The following STK33 variants were observed in gnomAD, a reference collection of about 807,000 sequenced individuals.
The protein encoded by STK33 is serine/threonine kinase 33, also known as serine/threonine-protein kinase 33.
A neutral mutation model predicts 58.0 loss-of-function variants in STK33; 52 were observed. That is an observed-to-expected ratio of 0.90 (90% CI 0.72 to 1.13). The LOEUF (loss-of-function observed/expected upper bound fraction) is 1.13. STK33 is among the 50% of genes most tolerant of loss of function. STK33 has a pLI of 0.00. For synonymous variants in STK33, 215 were observed against 200.1 expected (o/e 1.07, Z -0.63); for missense variants, 630 against 604.2 (o/e 1.04, Z -0.45).
chr11:8,441,320 G>C (rs1423703310), intron 11 of STK33, among the ~76,000 whole-genome samples: 1 of 151,628 alleles, frequency 6.6e-6, no homozygotes, highest in Non-Finnish European at 1.5e-5. Context: ...ACAGGACATA[G>C]ACTATACTAA....
intron 14 of STK33, among the ~76,000 whole-genome samples, chr11:8,415,334 AGGCTCAT>A (rs1411237771): frequency 6.6e-6 from 1 of 152,052 alleles, no homozygotes; most frequent in Non-Finnish European, 1.5e-5. Context: ...TCTTCCTTCT[AGGCTCAT>A]GGTAGAGTTT....
At chr11:8,362,148 G>A in the STK33 span, among the ~76,000 whole-genome samples, 1 of 152,156 alleles carries the variant, frequency 6.6e-6, no homozygotes, top group East Asian at 1.9e-4. Context: ...GAGGGCCGGG[G>A]CCCAGCGACT....
chr11:8,434,029 C>T (rs1262434712), intron 14 of STK33: 1 of 153,390 alleles, frequency 6.5e-6, no homozygotes, highest in East Asian at 1.9e-4. Context: ...TCGAGACCAT[C>T]CTGGCCAATA....
At chr11:8,461,729 G>T in intron 8 of STK33, 76 bp downstream of exon 8, 1 of 1,193,570 alleles carries the variant, frequency 8.4e-7, no homozygotes. Flanking sequence ...GCCCCAAAGG[G>T]ATTATTTCAG....
chr11:8,550,258 T>C (rs78857859), intron 1 of STK33, among the ~76,000 whole-genome samples: 16,892 of 152,194 alleles, frequency 0.11, 1,056 homozygotes, highest in African/African-American at 0.14. Context: ...TTAATAGCAA[T>C]AGTTTCAGGG....
At chr11:8,534,839 A>G (rs1049367901) in intron 1 of STK33, among the ~76,000 whole-genome samples, 2 of 152,128 alleles carry the variant, frequency 1.3e-5, no homozygotes, top group African/African-American at 4.8e-5. Context: ...GTATCCCTAT[A>G]AAGTCCTATA....
At chr11:8,453,004 G>A (rs763840637) in intron 10 of STK33, 98 bp from the exon 11 acceptor site, 41 of 1,049,862 alleles carry the variant, frequency 3.9e-5, no homozygotes, top group Non-Finnish European at 6.0e-5. Flanking sequence ...TTGAATTCTG[G>A]GGTTCTTGGG....
intron 14 of STK33, among the ~76,000 whole-genome samples, chr11:8,431,200 G>C (rs2136159020): frequency 6.6e-6 from 1 of 152,046 alleles, no homozygotes; most frequent in South Asian, 2.1e-4. Context: ...CTTCATTAGA[G>C]ACTCAAAAAT....
intron 1 of STK33, among the ~76,000 whole-genome samples, chr11:8,557,926 CT>C (rs1297775540): frequency 1.3e-5 from 2 of 152,118 alleles, no homozygotes; most frequent in East Asian, 3.8e-4. Flanking sequence ...TGTAATGAAC[CT>C]TAAGTCACAG....
intron 15 of STK33, among the ~76,000 whole-genome samples, chr11:8,399,796 G>T (rs1220873261): frequency 6.6e-6 from 1 of 152,006 alleles, no homozygotes; most frequent in Non-Finnish European, 1.5e-5. Flanking sequence ...TATCACCACC[G>T]ATCCCACAGA....
At chr11:8,346,993 A>T in the STK33 span, among the ~76,000 whole-genome samples, 3 of 152,222 alleles carry the variant, frequency 2.0e-5, no homozygotes, top group Non-Finnish European at 2.9e-5. Flanking sequence ...CCCACAGATG[A>T]CTGGGAAGGG....
chr11:8,529,481 C>A (rs1014775764), intron 1 of STK33, among the ~76,000 whole-genome samples: 1 of 152,108 alleles, frequency 6.6e-6, no homozygotes, highest in African/African-American at 2.4e-5. Context: ...GATTTATGGG[C>A]CCCTCTGGTA....
At chr11:8,525,094 GAAT>G (rs1399535525) in intron 1 of STK33, among the ~76,000 whole-genome samples, 2 of 152,156 alleles carry the variant, frequency 1.3e-5, no homozygotes, top group East Asian at 3.9e-4. Context: ...AAAGCGTTTT[GAAT>G]AATATAAAAG....
chr11:8,448,487 C>T (rs1353643875), intron 11 of STK33, among the ~76,000 whole-genome samples: 4 of 152,154 alleles, frequency 2.6e-5, no homozygotes, highest in Admixed American at 6.5e-5. Context: ...TGCATATCTA[C>T]AACCATCTGA....
chr11:8,498,330 C>T (rs551690382), intron 1 of STK33, among the ~76,000 whole-genome samples: 2 of 152,194 alleles, frequency 1.3e-5, no homozygotes, highest in Admixed American at 1.3e-4. Context: ...GAGTGAGCTC[C>T]CATTCACAAT....
intron 15 of STK33, among the ~76,000 whole-genome samples, chr11:8,401,889 A>C (rs1938062056): frequency 6.6e-6 from 1 of 152,268 alleles, no homozygotes; most frequent in South Asian, 2.1e-4. Context: ...TGGCCATCAG[A>C]GAAATGCAAA....
At chr11:8,354,364 C>G in the STK33 span, among the ~76,000 whole-genome samples, 1 of 151,954 alleles carries the variant, frequency 6.6e-6, no homozygotes, top group Non-Finnish European at 1.5e-5. Context: ...TCCTAAGGTA[C>G]AGTCCTAAGG....
In STK33 at chr11:8,461,925, AAC is replaced by A; in HGVS notation, c.454-18_454-17del. On this transcript the variant is annotated splice_polypyrimidine_tract_variant and intron_variant, in intron 7 of 15. Transcript: ENST00000687296. ...AGCTTCCAGCCTTAATCAATGAAGAAACACAGATTTCACATAATGAAAATCAC... is the reference window on the plus strand; with the variant it reads ...AGCTTCCAGCCTTAATCAATGAAGAAACAGATTTCACATAATGAAAATCAC... 4 of 1,554,366 alleles carry A rather than the reference AAC, an allele frequency of 2.6e-6. No individual in the cohort carries two copies. Among genetic ancestry groups the A allele is most frequent in the South Asian group, 1.2e-5 (1 of 82,146 alleles).
chr11:8,417,973 C>G (rs1375159969), intron 14 of STK33, among the ~76,000 whole-genome samples: 1 of 152,034 alleles, frequency 6.6e-6, no homozygotes, highest in East Asian at 1.9e-4. Context: ...CACATATTTA[C>G]AAGAACATCT....
Sources: allele counts gnomAD v4.1 joint callset (sites outside exome capture counted in the v4.1 genomes callset), GRCh38; gene constraint gnomAD v4.1.1; transcripts MANE v1.5; gene names NCBI Gene and HGNC (gene_info 2026-07-23, HGNC 2026-07-21).